Variants in AIFM1 observed in about 807,000 individuals in gnomAD.
AIFM1 encodes the protein apoptosis inducing factor mitochondria associated 1.
A neutral mutation model predicts 51.7 loss-of-function variants in AIFM1; 3 were observed. The observed-to-expected ratio is 0.06, with a 90% confidence interval of 0.03 to 0.15. The LOEUF (loss-of-function observed/expected upper bound fraction) is 0.15. AIFM1 is among the 10% of genes least tolerant of loss of function. The pLI is 1.00. For missense variants in AIFM1, 330 were observed against 476.8 expected, an observed-to-expected ratio of 0.69 and a Z score of 2.87; for synonymous variants, 178 against 179.4, an observed-to-expected ratio of 0.99 and a Z score of 0.06.
In AIFM1 at chrX:130,130,112, A is replaced by G. The variant is rs758114544; in HGVS notation, c.1628T>C (p.Ile543Thr). ...ETESEASEIT[I>T]PPSTPAVPQA... ...TGGAACTGCCGGGGTGCTGGGAGGA[A>G]TAGTAATTTCTGAGGCCTCGGACTC... The change falls in exon 15 of 16, where the codon ATT (isoleucine) becomes ACT (threonine). Residue 543 changes from isoleucine to threonine, a missense_variant. This residue lies in a region of AIFM1 where 56 missense variants were observed against 48.8 expected (regional missense o/e 1.15). Transcript: ENST00000287295. 8.3e-7 allele frequency: 1 copy of G among 1,211,965 alleles called. No individual in the cohort carries two copies. Among genetic ancestry groups the G allele is most frequent in the Non-Finnish European group, 1.1e-6 (1 of 895,544 alleles).
In AIFM1 at chrX:130,131,812, A is replaced by G. The variant is rs1157421503; in HGVS notation, c.1449-13T>C. On this transcript the variant is annotated splice_polypyrimidine_tract_variant and intron_variant, in intron 13 of 15. Transcript: ENST00000287295. ...GCCCAAATCACTCCTAAGAAGAGAG[A>G]AGAGGGTGTTCTGTCAAGGGACTGT... 8.3e-7 allele frequency: 1 copy of G among 1,210,577 alleles called. No individual in the cohort carries two copies. Among genetic ancestry groups the G allele is most frequent in the Admixed American group, 2.2e-5 (1 of 46,055 alleles).
At position 130,137,172 on chromosome X, in the gene AIFM1, G is replaced by A; in HGVS notation, c.981C>T (p.Gly327=). Residue 327 remains glycine, a synonymous_variant, in exon 10 of 16, where the codon GGC becomes GGT. Transcript: ENST00000287295. Reference sequence around the variant, plus strand: ...CGGGGAAGAGTTGAATCACTTCTGTGCCCAAGGCTCGAGCTGGGAAGAAGA... The same window carrying A: ...CGGGGAAGAGTTGAATCACTTCTGTACCCAAGGCTCGAGCTGGGAAGAAGA... ...CALGRKARAL[G]TEVIQLFPEK... is the part of the protein sequence containing the mutation. 1.7e-6 allele frequency: 2 copies of A among 1,211,380 alleles called. No homozygotes were observed. The highest frequency in any genetic ancestry group is 2.2e-6 in the Non-Finnish European group (2 of 895,441).
At position 130,133,326 on chromosome X, in the gene AIFM1, G is replaced by C. The variant is rs2124648352; in HGVS notation, c.1435C>G (p.Gln479Glu). The C allele has an allele frequency of 8.3e-7, 1 of 1,211,272 alleles. No individual in the cohort carries two copies. The change falls in exon 13 of 16, where the codon CAG becomes GAG. Residue 479 changes from glutamine (Q) to glutamate (E), a missense_variant. Physicochemically the swap from Gln to Glu is conservative, Grantham distance 29 (BLOSUM62 2). Around this residue, in one of 4 missense-constraint regions of AIFM1, gnomAD observed 152 missense variants for 292.8 expected, o/e 0.52. Transcript: ENST00000287295. ...CACCACTATTACCAGAACATTGACT[G>C]ATGCCAGTACGGCTTAGCAGCTCCA... is the stretch of plus-strand genomic sequence containing the variant. ...MTGAAKPYWH[Q>E]SMFWSDLGPD...
intron 1 of AIFM1, among the ~76,000 whole-genome samples, chrX:130,162,620 T>A (rs5975174): frequency 0.017 from 1,942 of 112,354 alleles, 38 homozygotes; most frequent in African/African-American, 0.054. Flanking sequence ...GACTCATCTT[T>A]TAGGCTTCAA....
intron 1 of AIFM1, among the ~76,000 whole-genome samples, chrX:130,161,780 G>T (rs749478787): frequency 6.7e-4 from 74 of 109,668 alleles, no homozygotes; most frequent in African/African-American, 2.3e-3. Context: ...GCTAATTTTT[G>T]ATTTTTAGTA....
chrX:130,129,406 A>T lies in AIFM1; in HGVS notation c.*151T>A. Reference sequence around the variant, plus strand: ...AATTTATTTCACTATGTGAACATTAAGAATTTACCTACATAGTTGAAAATA... The same window carrying T: ...AATTTATTTCACTATGTGAACATTATGAATTTACCTACATAGTTGAAAATA... On this transcript the variant is annotated 3_prime_UTR_variant, in exon 16 of 16. Coordinates refer to ENST00000287295, the MANE Select transcript of AIFM1 (RefSeq NM_004208.4). 3.9e-6 allele frequency: 2 copies of T among 511,668 alleles called. No homozygotes were observed. The highest frequency in any genetic ancestry group is 7.0e-6 in the Non-Finnish European group (2 of 286,192). The allele number at this position is 511,668 out of a possible 1,213,427, so 42.2% of individuals were successfully genotyped here. A position where few individuals can be genotyped will look rare whatever the true frequency, so the allele number is the denominator to read the frequency against.
chrX:130,164,275 G>T (rs1430422557), intron 1 of AIFM1, among the ~76,000 whole-genome samples: 1 of 112,063 alleles, frequency 8.9e-6, no homozygotes, highest in African/African-American at 3.2e-5. Flanking sequence ...CATTGATAAG[G>T]CATTAGTTTA....
At chrX:130,146,122 TATATTA>T (rs1441884920) in intron 5 of AIFM1, among the ~76,000 whole-genome samples, 5 of 111,699 alleles carry the variant, frequency 4.5e-5, no homozygotes, top group Non-Finnish European at 7.5e-5. Context: ...TCAACTATGA[TATATTA>T]ATATTAATTA....
At chrX:130,137,552 T>C (rs1391144470) in intron 9 of AIFM1, 1 of 1,164,195 alleles carries the variant, frequency 8.6e-7, no homozygotes, top group East Asian at 3.3e-5. Context: ...AGAAAACTAG[T>C]TGCCATGAAA....
At chrX:130,153,252 C>T in intron 2 of AIFM1, among the ~76,000 whole-genome samples, 1 of 102,232 alleles carries the variant, frequency 9.8e-6, no homozygotes, top group Admixed American at 1.1e-4. Context: ...CCTCGGGAGG[C>T]TGAGGCAGGA....
chrX:130,152,675 G>A (rs144561581), intron 2 of AIFM1, among the ~76,000 whole-genome samples: 2,148 of 112,045 alleles, frequency 0.019, 16 homozygotes, highest in Middle Eastern at 0.06. Context: ...ACAAAAAATA[G>A]AGGACTGAGA....
At chrX:130,135,154 C>G (rs1428948181) in intron 12 of AIFM1, among the ~76,000 whole-genome samples, 1 of 108,359 alleles carries the variant, frequency 9.2e-6, no homozygotes, top group Admixed American at 9.9e-5. Context: ...ATGATCTCCA[C>G]TCACTGCAGC....
chrX:130,158,687 A>C (rs1467398870), intron 1 of AIFM1, among the ~76,000 whole-genome samples: 2 of 95,538 alleles, frequency 2.1e-5, no homozygotes, highest in Non-Finnish European at 4.1e-5. Flanking sequence ...CACTAACACT[A>C]ACCATAGCTG....
At chrX:130,140,495 C>T in intron 7 of AIFM1, 38 bp downstream of exon 7, 1 of 1,102,563 alleles carries the variant, frequency 9.1e-7, no homozygotes, top group Non-Finnish European at 1.3e-6. Flanking sequence ...CTTGAATGAG[C>T]TGTATCAGGG....
intron 5 of AIFM1, among the ~76,000 whole-genome samples, chrX:130,145,820 C>T (rs1314601061): frequency 8.9e-6 from 1 of 111,752 alleles, no homozygotes; most frequent in Non-Finnish European, 1.9e-5. Context: ...GTTGTAATAA[C>T]TTGGGTAGGG....
chrX:130,150,219 AAT>A (rs2030912060), intron 2 of AIFM1, among the ~76,000 whole-genome samples: 1 of 111,539 alleles, frequency 9.0e-6, no homozygotes, highest in African/African-American at 3.3e-5. Flanking sequence ...TTACATTTCA[AAT>A]ATTCTATCTT....
Position 130,140,561 on chromosome X carries a change from T to G in AIFM1, c.753A>C (p.Ile251=). ...NMVKLNDGSQ[I]TYEKCLIATG... is the part of the protein sequence containing the mutation. ...TTGCAATCAAGCACTTTTCATAGGT[T>G]ATTTGAGAGCCATCATTAAGTTTCA... The change falls in exon 7 of 16, where the codon ATA becomes ATC. Residue 251 remains isoleucine, a synonymous_variant. Transcript: ENST00000287295. 1 of 1,211,479 alleles carries G rather than the reference T, an allele frequency of 8.3e-7. No individual in the cohort carries two copies. Among genetic ancestry groups the G allele is most frequent in the South Asian group, 1.8e-5 (1 of 57,015 alleles).
chrX:130,155,727 T>A (rs979181457), intron 2 of AIFM1, among the ~76,000 whole-genome samples: 2 of 112,303 alleles, frequency 1.8e-5, no homozygotes, highest in South Asian at 7.3e-4. Context: ...AGGTGTTATC[T>A]AAGTTGGTTC....
At position 130,149,508 on chromosome X, in the gene AIFM1, G is replaced by A. The variant is rs1158330123; in HGVS notation, c.310C>T (p.Leu104=). ...TTTTTCTGTTTCTGTTCTGGTGTCA[G>A]CCCTAACCCTGAAATTCTTTCATTG... ...RYNERISGLG[L]TPEQKQKKAA... is the part of the protein sequence containing the mutation. Residue 104 remains leucine, a synonymous_variant, in exon 3 of 16, where the codon CTG becomes TTG. Coordinates refer to ENST00000287295, the MANE Select transcript of AIFM1 (RefSeq NM_004208.4). The A allele has an allele frequency of 2.5e-6, 3 of 1,209,528 alleles. No individual in the cohort carries two copies.
Sources: allele counts gnomAD v4.1 joint callset (sites outside exome capture counted in the v4.1 genomes callset), GRCh38; gene constraint gnomAD v4.1.1; regional missense constraint gnomAD v4.1.1; transcripts MANE v1.5; gene names NCBI Gene and HGNC (gene_info 2026-07-23, HGNC 2026-07-21).